The following SLC4A4 variants were observed in gnomAD, a reference collection of about 807,000 sequenced individuals.
The protein encoded by SLC4A4 is solute carrier family 4 member 4, also known as electrogenic sodium bicarbonate cotransporter 1.
Under a neutral mutation model 111.5 loss-of-function variants are expected in SLC4A4, and 27 were observed. That is an observed-to-expected ratio of 0.24 (90% CI 0.18 to 0.33). The LOEUF is 0.33. SLC4A4 is among the 10% of genes least tolerant of loss of function. The pLI is 1.00. For missense variants in SLC4A4, 909 were observed against 1,315.5 expected (o/e 0.69, Z 4.78); for synonymous variants, 443 against 463.4 (o/e 0.96, Z 0.57).
intron 6 of SLC4A4, among the ~76,000 whole-genome samples, chr4:71,380,231 C>T (rs1717982580): frequency 6.6e-6 from 1 of 152,170 alleles, no homozygotes. Context: ...CTATCCATGA[C>T]TGAGATATCA....
intron 3 of SLC4A4, among the ~76,000 whole-genome samples, chr4:71,273,045 A>G (rs72650325): frequency 1.1e-3 from 165 of 152,324 alleles, no homozygotes; most frequent in South Asian, 1.9e-3. Flanking sequence ...TACCATCACT[A>G]CAATAAGAAT....
intron 1 of SLC4A4, among the ~76,000 whole-genome samples, chr4:71,194,224 G>A (rs943652957): frequency 6.6e-6 from 1 of 152,116 alleles, no homozygotes; most frequent in African/African-American, 2.4e-5. Flanking sequence ...CATTCACAGA[G>A]GAGTTATGAG....
At chr4:71,466,160 C>T (rs59375652) in intron 12 of SLC4A4, among the ~76,000 whole-genome samples, 2,790 of 152,146 alleles carry the variant, frequency 0.018, 75 homozygotes, top group African/African-American at 0.063. Context: ...TAGTAAGGAT[C>T]GGAGCCACCT....
At chr4:71,421,399 A>AC (rs1722486597) in intron 7 of SLC4A4, among the ~76,000 whole-genome samples, 1 of 152,184 alleles carries the variant, frequency 6.6e-6, no homozygotes, top group African/African-American at 2.4e-5. Flanking sequence ...AGACTTTAAC[A>AC]CCCCACTGTC....
chr4:71,297,550 A>ACACT (rs1447015262), intron 3 of SLC4A4, among the ~76,000 whole-genome samples: 3 of 123,542 alleles, frequency 2.4e-5, no homozygotes, highest in South Asian at 2.6e-4. Flanking sequence ...ACACACACAC[A>ACACT]CTCTTTGGCA....
At chr4:71,475,257 C>T (rs1728259273) in intron 14 of SLC4A4, among the ~76,000 whole-genome samples, 1 of 151,724 alleles carries the variant, frequency 6.6e-6, no homozygotes, top group African/African-American at 2.4e-5. Context: ...CAACCCCATA[C>T]CTACCTGAGG....
intron 16 of SLC4A4, among the ~76,000 whole-genome samples, chr4:71,509,158 C>A (rs931702182): frequency 6.6e-6 from 1 of 152,198 alleles, no homozygotes; most frequent in Non-Finnish European, 1.5e-5. Flanking sequence ...ACTGAATGGG[C>A]AAAGGCTGTA....
chr4:71,078,921 C>T (rs140651851), intron 1 of SLC4A4, among the ~76,000 whole-genome samples: 2,132 of 152,020 alleles, frequency 0.014, 49 homozygotes, highest in African/African-American at 0.049. Flanking sequence ...TTGATTCAAG[C>T]GATTCTCCTG....
intron 2 of SLC4A4, among the ~76,000 whole-genome samples, chr4:71,117,930 G>A (rs13123673): frequency 0.73 from 109,299 of 149,376 alleles, 42,505 homozygotes; most frequent in Admixed American, 0.85. Context: ...AGGCTGGAGT[G>A]TGGTGGTGCT....
chr4:71,205,818 G>A (rs1236847035), intron 1 of SLC4A4, among the ~76,000 whole-genome samples: 4 of 152,200 alleles, frequency 2.6e-5, no homozygotes, highest in Admixed American at 1.3e-4. Context: ...GTCAAAACCA[G>A]TGAACATGGC....
At chr4:71,322,954 C>T (rs1320208841) in intron 3 of SLC4A4, among the ~76,000 whole-genome samples, 4 of 151,882 alleles carry the variant, frequency 2.6e-5, no homozygotes, top group Non-Finnish European at 5.9e-5. Flanking sequence ...AGTTAAGTAG[C>T]GTTCAGAACC....
intron 2 of SLC4A4, among the ~76,000 whole-genome samples, chr4:71,105,590 C>T (rs1742891529): frequency 6.8e-6 from 1 of 146,018 alleles, no homozygotes; most frequent in African/African-American, 2.6e-5. Context: ...ATCAATGGAA[C>T]AGAACAGAGC....
intron 3 of SLC4A4, among the ~76,000 whole-genome samples, chr4:71,308,415 A>G (rs1725861719): frequency 1.3e-5 from 2 of 152,088 alleles, no homozygotes; most frequent in Admixed American, 6.5e-5. Flanking sequence ...AGTCATTAAG[A>G]GTTTATGGAG....
At chr4:71,193,576 A>G (rs972098914) in intron 1 of SLC4A4, among the ~76,000 whole-genome samples, 1 of 152,244 alleles carries the variant, frequency 6.6e-6, no homozygotes, top group Non-Finnish European at 1.5e-5. Flanking sequence ...GTGTGAGAGT[A>G]TCATCTACCC....
At chr4:71,355,608 GA>G (rs1730216275) in intron 5 of SLC4A4, among the ~76,000 whole-genome samples, 1 of 152,214 alleles carries the variant, frequency 6.6e-6, no homozygotes, top group South Asian at 2.1e-4. Flanking sequence ...GCATGTGATG[GA>G]AAATCCTGGA....
At chr4:71,063,782 C>A (rs1489914651) in intron 1 of SLC4A4, among the ~76,000 whole-genome samples, 1 of 151,944 alleles carries the variant, frequency 6.6e-6, no homozygotes, top group East Asian at 1.9e-4. Context: ...ACAATTTTGC[C>A]ACTAGGAAAA....
intron 16 of SLC4A4, among the ~76,000 whole-genome samples, chr4:71,508,218 A>G (rs912688681): frequency 3.3e-5 from 5 of 152,180 alleles, no homozygotes; most frequent in Admixed American, 2.6e-4. Context: ...CTAGCAGAAG[A>G]CAAGAAAAAC....
intron 7 of SLC4A4, among the ~76,000 whole-genome samples, chr4:71,433,260 C>G (rs1429028629): frequency 6.6e-6 from 1 of 151,462 alleles, no homozygotes; most frequent in Non-Finnish European, 1.5e-5. Flanking sequence ...CCAATCACCC[C>G]CATTAGTCTC....
chr4:71,407,598 A>T (rs932068488), intron 7 of SLC4A4, among the ~76,000 whole-genome samples: 2 of 152,238 alleles, frequency 1.3e-5, no homozygotes, highest in Non-Finnish European at 2.9e-5. Flanking sequence ...CAAATAAAAC[A>T]TTCTTCCTTG....
Sources: allele counts gnomAD v4.1 joint callset (sites outside exome capture counted in the v4.1 genomes callset), GRCh38; gene constraint gnomAD v4.1.1; transcripts MANE v1.5; gene names NCBI Gene and HGNC (gene_info 2026-07-23, HGNC 2026-07-21).